Variants in HS6ST3 observed in about 807,000 individuals in gnomAD.
The protein encoded by HS6ST3 is heparan sulfate 6-O-sulfotransferase 3, also known as heparan-sulfate 6-O-sulfotransferase 3.
HS6ST3 carries 12 observed loss-of-function variants against 36.7 expected under a neutral mutation model. The ratio of observed to expected loss-of-function variants is 0.33; its 90% CI spans 0.21 to 0.53. The LOEUF (loss-of-function observed/expected upper bound fraction) is 0.53. HS6ST3 is among the 20% of genes least tolerant of loss of function. The pLI is 0.95. For missense variants in HS6ST3, 584 were observed against 640.9 expected, an observed-to-expected ratio of 0.91 and a Z score of 0.96; for synonymous variants, 240 against 257.5, an observed-to-expected ratio of 0.93 and a Z score of 0.65.
At position 96,462,794 on chromosome 13, in the gene HS6ST3, A is replaced by G. The variant is rs1003971654; in HGVS notation, c.708-369696A>G. On this transcript the variant is annotated intron_variant, in intron 1 of 1. Transcript: ENST00000376705. The stretch of plus-strand genomic sequence containing the variant: ...AATAAATGTATGTATCTGTGTGTCT[A>G]TGTATGTTTGTATCTATCTATCTAA... Among the ~76,000 whole-genome samples, 5 of 152,328 alleles carry G rather than the reference A, an allele frequency of 3.3e-5. No homozygotes were observed. The South Asian group carries it at 8.3e-4, about 25-fold the overall frequency.
chr13:96,729,769 A>G (rs755178973), intron 1 of HS6ST3, among the ~76,000 whole-genome samples: 15 of 152,140 alleles, frequency 9.9e-5, no homozygotes, highest in South Asian at 4.1e-4. Flanking sequence ...CCCGGCCCCA[A>G]TATCAACTTC....
intron 1 of HS6ST3, among the ~76,000 whole-genome samples, chr13:96,507,392 G>T (rs2138917242): frequency 6.6e-6 from 1 of 152,204 alleles, no homozygotes; most frequent in Middle Eastern, 3.4e-3. Context: ...ATGGAGTAAG[G>T]CCAGACCCTG....
chr13:96,737,046 A>G (rs1876302689), intron 1 of HS6ST3, among the ~76,000 whole-genome samples: 1 of 152,184 alleles, frequency 6.6e-6, no homozygotes, highest in African/African-American at 2.4e-5. Flanking sequence ...GGATAAAAAC[A>G]GATTTTAATT....
intron 1 of HS6ST3, among the ~76,000 whole-genome samples, chr13:96,466,521 T>C (rs539070447): frequency 7.9e-5 from 12 of 152,352 alleles, no homozygotes; most frequent in African/African-American, 2.9e-4. Flanking sequence ...ACTGAAATCA[T>C]GCATTATTTG....
Position 96,828,287 on chromosome 13 carries a change from A to G in HS6ST3, c.708-4203A>G, listed in dbSNP as rs542116706. 5.9e-5 allele frequency among the ~76,000 whole-genome samples: 9 copies of G among 152,362 alleles called. No individual in the cohort carries two copies. The South Asian group carries it at 1.7e-3, about 28-fold the overall frequency. ...GGCTTACCTAGTGGTAAGGCTAGAC[A>G]GTCAAGATAACAGAATATAGAAAAT... On this transcript the variant is annotated intron_variant, in intron 1 of 1. Transcript: ENST00000376705.
At chr13:96,537,211 G>A (rs1364462757) in intron 1 of HS6ST3, among the ~76,000 whole-genome samples, 2 of 152,328 alleles carry the variant, frequency 1.3e-5, no homozygotes, top group Non-Finnish European at 2.9e-5. Flanking sequence ...GAGAGAATGA[G>A]AACGAAGAGA....
At chr13:96,784,527 G>A (rs781307979) in intron 1 of HS6ST3, among the ~76,000 whole-genome samples, 5 of 152,086 alleles carry the variant, frequency 3.3e-5, no homozygotes, top group Non-Finnish European at 5.9e-5. Context: ...ATTATTTTTT[G>A]TGAGCAGATA....
intron 1 of HS6ST3, among the ~76,000 whole-genome samples, chr13:96,704,768 C>A (rs1474256605): frequency 6.6e-6 from 1 of 152,058 alleles, no homozygotes; most frequent in African/African-American, 2.4e-5. Context: ...AAGAAATTCC[C>A]CCAAATTCCT....
At chr13:96,517,186 C>G (rs983165874) in intron 1 of HS6ST3, among the ~76,000 whole-genome samples, 1 of 150,544 alleles carries the variant, frequency 6.6e-6, no homozygotes, top group African/African-American at 2.4e-5. Context: ...TGAGACCAAC[C>G]TGGACACCAT....
Position 96,832,989 on chromosome 13 carries a change from C to G in HS6ST3, c.1207C>G (p.Leu403Val), listed in dbSNP as rs768575041. 1 of 1,614,104 alleles carries G rather than the reference C, an allele frequency of 6.2e-7. No individual in the cohort carries two copies. Among genetic ancestry groups the G allele is most frequent in the Non-Finnish European group, 8.5e-7 (1 of 1,180,002 alleles). The stretch of plus-strand genomic sequence containing the variant: ...CCAACGCATTGAGGATCTAAACTTC[C>G]TGGACATGCAGCTTTACGAGTATGC... ...ARQRIEDLNF[L>V]DMQLYEYAKD... The change falls in exon 2 of 2, where the codon CTG (leucine) becomes GTG (valine). Residue 403 changes from leucine to valine, a missense_variant. Around this residue, in one of 3 missense-constraint regions of HS6ST3, gnomAD observed 360 missense variants for 411.3 expected, o/e 0.88. Transcript: ENST00000376705.
At chr13:96,108,988 T>TCTATCTCTATCC (rs1460660598) in intron 1 of HS6ST3, among the ~76,000 whole-genome samples, 14 of 152,100 alleles carry the variant, frequency 9.2e-5, no homozygotes, top group African/African-American at 3.1e-4. Context: ...TATCTCTATC[T>TCTATCTCTATCC]CTATCTCTAT....
At chr13:96,656,093 T>C (rs2056623870) in intron 1 of HS6ST3, among the ~76,000 whole-genome samples, 1 of 152,174 alleles carries the variant, frequency 6.6e-6, no homozygotes, top group Admixed American at 6.6e-5. Flanking sequence ...TGTGCCTTTG[T>C]TCATCACCTA....
intron 1 of HS6ST3, among the ~76,000 whole-genome samples, chr13:96,200,530 T>G (rs545145197): frequency 6.6e-6 from 1 of 152,312 alleles, no homozygotes; most frequent in Admixed American, 6.5e-5. Flanking sequence ...AAGTTGCAAC[T>G]TGGCCATCTT....
intron 1 of HS6ST3, among the ~76,000 whole-genome samples, chr13:96,792,713 G>A (rs558444899): frequency 5.3e-5 from 8 of 152,142 alleles, no homozygotes; most frequent in South Asian, 4.1e-4. Flanking sequence ...TTCAAGTGCA[G>A]TAGGGGAAGT....
At chr13:96,529,449 T>C (rs780007468) in intron 1 of HS6ST3, among the ~76,000 whole-genome samples, 1 of 152,170 alleles carries the variant, frequency 6.6e-6, no homozygotes, top group African/African-American at 2.4e-5. Flanking sequence ...TGAAATTTAC[T>C]GATGATTCAT....
chr13:96,517,876 A>G (rs1172377710), intron 1 of HS6ST3, among the ~76,000 whole-genome samples: 2 of 152,340 alleles, frequency 1.3e-5, no homozygotes, highest in Non-Finnish European at 2.9e-5. Flanking sequence ...CCAGAGGAAT[A>G]TAAATCATTC....
At position 96,640,230 on chromosome 13, in the gene HS6ST3, T is replaced by A. The variant is rs1371277152; in HGVS notation, c.708-192260T>A. ...TTTTCTCTGTAGCCTCACCAGCATGTTATTTTTTGATTTTTTAATGATAGC... is the reference window on the plus strand; with the variant it reads ...TTTTCTCTGTAGCCTCACCAGCATGATATTTTTTGATTTTTTAATGATAGC... On this transcript the variant is annotated intron_variant, in intron 1 of 1. Coordinates refer to ENST00000376705, the MANE Select transcript of HS6ST3 (RefSeq NM_153456.4). Among the ~76,000 whole-genome samples, 3 of 152,126 alleles carry A rather than the reference T, an allele frequency of 2.0e-5. No homozygotes were observed. The South Asian group carries it at 6.2e-4, about 32-fold the overall frequency.
At chr13:96,174,628 T>C (rs1274991736) in intron 1 of HS6ST3, among the ~76,000 whole-genome samples, 1 of 152,188 alleles carries the variant, frequency 6.6e-6, no homozygotes, top group Non-Finnish European at 1.5e-5. Context: ...TTTAGTTCAA[T>C]TGCTCATATT....
intron 1 of HS6ST3, among the ~76,000 whole-genome samples, chr13:96,589,291 G>A (rs1473575965): frequency 6.6e-6 from 1 of 151,902 alleles, no homozygotes; most frequent in Non-Finnish European, 1.5e-5. Context: ...AAGCATCAAG[G>A]AAATTATGCA....
Sources: allele counts gnomAD v4.1 joint callset (sites outside exome capture counted in the v4.1 genomes callset), GRCh38; gene constraint gnomAD v4.1.1; regional missense constraint gnomAD v4.1.1; transcripts MANE v1.5; gene names NCBI Gene and HGNC (gene_info 2026-07-23, HGNC 2026-07-21).